Variants in RNF150 observed in about 807,000 individuals in gnomAD.
RNF150 encodes the protein ring finger protein 150.
A neutral mutation model predicts 39.3 loss-of-function variants in RNF150; 24 were observed. That is an observed-to-expected ratio of 0.61 (90% CI 0.44 to 0.86). RNF150 has a LOEUF of 0.86. Ranked by LOEUF, RNF150 falls within the 40% of genes least tolerant of loss-of-function variation. The pLI is 0.00. For missense variants in RNF150, 502 were observed against 587.8 expected (o/e 0.85, Z 1.51); for synonymous variants, 255 against 227.3 (o/e 1.12, Z -1.10).
intron 4 of RNF150, 145 bp from the exon 5 acceptor site, chr4:140,926,218 G>T: frequency 1.6e-6 from 1 of 633,100 alleles, no homozygotes; most frequent in Non-Finnish European, 2.8e-6. Context: ...GTGGGCCAAA[G>T]TGTTTCCTGT....
intron 1 of RNF150, among the ~76,000 whole-genome samples, chr4:141,151,705 T>G (rs914039590): frequency 3.9e-5 from 6 of 152,154 alleles, no homozygotes; most frequent in African/African-American, 1.4e-4. Flanking sequence ...AAAAAAATAT[T>G]ATTTTGTGGC....
intron 5 of RNF150, among the ~76,000 whole-genome samples, chr4:140,912,450 G>C (rs1730642207): frequency 6.6e-6 from 1 of 152,190 alleles, no homozygotes; most frequent in Non-Finnish European, 1.5e-5. Flanking sequence ...ATGATGGTCA[G>C]GATTAGGGGA....
chr4:141,095,478 A>C (rs772264572), intron 1 of RNF150, among the ~76,000 whole-genome samples: 6 of 152,262 alleles, frequency 3.9e-5, no homozygotes, highest in Non-Finnish European at 7.3e-5. Flanking sequence ...TAAAATGGAT[A>C]AATTGTGGCA....
chr4:140,909,290 C>T (rs1225413877), intron 6 of RNF150, among the ~76,000 whole-genome samples: 2 of 152,076 alleles, frequency 1.3e-5, no homozygotes, highest in South Asian at 4.2e-4. Context: ...AATATGGTGC[C>T]ACTAGCCATA....
chr4:141,196,518 T>C (rs929215033), intron 1 of RNF150, among the ~76,000 whole-genome samples: 2 of 152,226 alleles, frequency 1.3e-5, no homozygotes, highest in Admixed American at 1.3e-4. Flanking sequence ...GCTCTTTGGG[T>C]TTGCCTTTGA....
At chr4:141,170,472 C>A (rs1327528230) in intron 1 of RNF150, among the ~76,000 whole-genome samples, 1 of 152,126 alleles carries the variant, frequency 6.6e-6, no homozygotes, top group African/African-American at 2.4e-5. Flanking sequence ...AAAAGTAACT[C>A]TTTTAATTTG....
intron 1 of RNF150, among the ~76,000 whole-genome samples, chr4:141,143,939 T>G (rs1727161290): frequency 6.6e-6 from 1 of 152,224 alleles, no homozygotes; most frequent in African/African-American, 2.4e-5. Context: ...TCACTCCTCT[T>G]ATTTTTTCTC....
At chr4:141,061,566 C>CACTGCAAATTTCCCAA (rs1175437746) in intron 1 of RNF150, among the ~76,000 whole-genome samples, 1 of 152,104 alleles carries the variant, frequency 6.6e-6, no homozygotes, top group Non-Finnish European at 1.5e-5. Flanking sequence ...ACACAATACA[C>CACTGCAAATTTCCCAA]ATAAGTGGGA....
chr4:140,884,552 A>G lies in RNF150; in HGVS notation c.1199-16173T>C, dbSNP rs544531326. Among the ~76,000 whole-genome samples the G allele has an allele frequency of 2.2e-4, 34 of 152,268 alleles. 1 individual carries two copies. The highest frequency in any genetic ancestry group is 7.7e-4 in the African/African-American group (32 of 41,548). On this transcript the variant is annotated intron_variant, in intron 6 of 6. Coordinates refer to ENST00000515673, the MANE Select transcript of RNF150 (RefSeq NM_020724.2). ...TGTAATCTAATTGCAGAGGTTTGCC[A>G]GTTTTACTCAGAAGCTTCCCCAGTG... is the stretch of plus-strand genomic sequence containing the variant.
intron 1 of RNF150, among the ~76,000 whole-genome samples, chr4:141,177,153 G>C (rs1243904637): frequency 2.0e-5 from 3 of 151,874 alleles, no homozygotes; most frequent in African/African-American, 7.3e-5. Context: ...AATCCCTTGA[G>C]CCCAGGCGTT....
chr4:141,139,281 C>T lies in RNF150; in HGVS notation c.-6+73513G>A, dbSNP rs113349206. 3.6e-4 allele frequency among the ~76,000 whole-genome samples: 55 copies of T among 152,314 alleles called. 1 individual carries two copies. Among genetic ancestry groups the T allele is most frequent in the African/African-American group, 1.3e-3 (53 of 41,564 alleles). Reference sequence around the variant, plus strand: ...GTTGCCATCTCTGTGTTAGGCCCTGCGCTGACGCTCAGAGGAATGGCAGGG... The same window carrying T: ...GTTGCCATCTCTGTGTTAGGCCCTGTGCTGACGCTCAGAGGAATGGCAGGG... On this transcript the variant is annotated intron_variant, in intron 1 of 7. Coordinates refer to the RNF150 transcript ENST00000420921.
intron 2 of RNF150, among the ~76,000 whole-genome samples, chr4:140,963,023 G>C (rs1360821327): frequency 6.6e-6 from 1 of 151,882 alleles, no homozygotes; most frequent in African/African-American, 2.4e-5. Flanking sequence ...AATATATATA[G>C]ATAGAATTAA....
At chr4:140,878,693 T>C (rs945074045) in intron 6 of RNF150, among the ~76,000 whole-genome samples, 3 of 152,222 alleles carry the variant, frequency 2.0e-5, no homozygotes, top group Non-Finnish European at 4.4e-5. Context: ...ATATTTTCTC[T>C]CATTCTGTAG....
At chr4:140,943,679 C>T (rs1732175637) in intron 4 of RNF150, among the ~76,000 whole-genome samples, 1 of 152,152 alleles carries the variant, frequency 6.6e-6, no homozygotes, top group Admixed American at 6.5e-5. Flanking sequence ...ATGCATCATG[C>T]CATTTGTCTT....
intron 1 of RNF150, among the ~76,000 whole-genome samples, chr4:141,184,284 GT>G (rs1307613313): frequency 2.0e-5 from 3 of 152,078 alleles, no homozygotes; most frequent in Non-Finnish European, 4.4e-5. Flanking sequence ...TTCCATGTTT[GT>G]TGGCTACATA....
chr4:141,192,917 G>T (rs185747098), intron 1 of RNF150, among the ~76,000 whole-genome samples: 5 of 152,128 alleles, frequency 3.3e-5, no homozygotes, highest in African/African-American at 4.8e-5. Context: ...TGGCTAGAAG[G>T]CACTTTTGCC....
intron 1 of RNF150, among the ~76,000 whole-genome samples, chr4:141,186,453 C>A (rs1728014109): frequency 6.6e-6 from 1 of 152,138 alleles, no homozygotes; most frequent in African/African-American, 2.4e-5. Context: ...GGCTGGAGTG[C>A]AGTGGCACGA....
Position 140,861,366 on chromosome 4 carries a change from G to A in RNF150, c.*6895C>T, listed in dbSNP as rs1472884186. ...AAGTAAGGGCTGCTGACAGTGAGAA[G>A]ATCTGTGGGGTCTCCTTCAGCTTTT... On this transcript the variant is annotated 3_prime_UTR_variant, in exon 7 of 7. Coordinates refer to ENST00000515673, the MANE Select transcript of RNF150 (RefSeq NM_020724.2). The A allele has an allele frequency of 6.6e-6, 1 of 152,080 alleles. No individual in the cohort carries two copies. The highest frequency in any genetic ancestry group is 2.4e-5 in the African/African-American group (1 of 41,434). 9.4% of individuals were successfully genotyped at this position (152,080 alleles called of 1,614,324 possible).
intron 6 of RNF150, among the ~76,000 whole-genome samples, chr4:140,879,550 T>A (rs1162571622): frequency 3.3e-5 from 5 of 152,286 alleles, no homozygotes; most frequent in African/African-American, 1.2e-4. Context: ...ATTCAACTAA[T>A]CTTTTATGTT....
Sources: gnomAD v4.1 joint callset for allele counts (sites outside exome capture counted in the v4.1 genomes callset) on GRCh38, gnomAD v4.1.1 for gene constraint, MANE v1.5 for transcripts, NCBI Gene and HGNC (gene_info 2026-07-23, HGNC 2026-07-21) for gene names.